The following MYBPHL variants were observed in gnomAD, a reference collection of about 807,000 sequenced individuals.
MYBPHL encodes the protein myosin binding protein H like.
Under a neutral mutation model 39.5 loss-of-function variants are expected in MYBPHL, and 32 were observed. The ratio of observed to expected loss-of-function variants is 0.81; its 90% CI spans 0.61 to 1.09. The LOEUF (loss-of-function observed/expected upper bound fraction) is 1.09. MYBPHL is among the 50% of genes least tolerant of loss of function. The pLI, the probability that MYBPHL is intolerant of heterozygous loss-of-function variation, is 0.00. For synonymous variants in MYBPHL, 196 were observed against 183.7 expected (o/e 1.07, Z -0.54); for missense variants, 456 against 460.2 (o/e 0.99, Z 0.08).
intron 1 of MYBPHL, 139 bp from the exon 2 acceptor site, chr1:109,298,396 C>T: frequency 1.5e-6 from 1 of 677,042 alleles, no homozygotes; most frequent in South Asian, 1.7e-5. Context: ...GAAGAGTGCT[C>T]CCATCATCCT....
chr1:109,296,227 C>T lies in MYBPHL; in HGVS notation c.867+7G>A. ...TCAGCACAGTGCCCCCCAGAGCCCC[C>T]ACTCACCCGGGGAGAGGCGCGGACA... is the stretch of plus-strand genomic sequence containing the variant. On this transcript the variant is annotated splice_region_variant and intron_variant, in intron 6 of 8. Transcript: ENST00000357155. The T allele has an allele frequency of 6.2e-7, 1 of 1,612,878 alleles. No individual in the cohort carries two copies. The highest frequency in any genetic ancestry group is 8.5e-7 in the Non-Finnish European group (1 of 1,179,854).
chr1:109,298,276 G>A lies in MYBPHL; in HGVS notation c.146-19C>T. 1 of 1,598,620 alleles carries A rather than the reference G, an allele frequency of 6.3e-7. No individual in the cohort carries two copies. The highest frequency in any genetic ancestry group is 1.1e-5 in the South Asian group (1 of 89,320). ...GGGTGCTCTGAGTGATGGAAAGAGA[G>A]AGAATAGGAGATGGATACTCAGAGA... On this transcript the variant is annotated intron_variant, in intron 1 of 8. Transcript: ENST00000357155.
At chr1:109,303,783 C>T (rs1277526648) in intron 1 of MYBPHL, among the ~76,000 whole-genome samples, 3 of 152,126 alleles carry the variant, frequency 2.0e-5, no homozygotes, top group Non-Finnish European at 4.4e-5. Context: ...GGCTGGCTGT[C>T]TCGTAGACAA....
chr1:109,296,990 T>C (rs1458451612), intron 4 of MYBPHL, 48 bp from the exon 5 acceptor site: 4 of 1,613,932 alleles, frequency 2.5e-6, no homozygotes, highest in Non-Finnish European at 2.5e-6. Context: ...CATGTGGAGC[T>C]ACCAGAGGCC....
rs1289684777 is a variant in MYBPHL at position 109,297,407 on chromosome 1, C to G, written c.430+15G>C. 1.2e-6 allele frequency: 2 copies of G among 1,605,564 alleles called. No individual in the cohort carries two copies. The highest frequency in any genetic ancestry group is 2.2e-5 in the South Asian group (2 of 90,252). ...TTCCTGAGGACCCCCCCATCTCCCA[C>G]TTCCCCCACCGTACCAATCACCAGG... On this transcript the variant is annotated intron_variant, in intron 3 of 8. Coordinates refer to ENST00000357155, the MANE Select transcript of MYBPHL (RefSeq NM_001010985.3).
rs3861915 is a variant in MYBPHL, at chr1:109,296,133, G to C, written c.867+101C>G. On this transcript the variant is annotated intron_variant, in intron 6 of 8. Coordinates refer to ENST00000357155, the MANE Select transcript of MYBPHL (RefSeq NM_001010985.3). ...GTAGAAGAGGCAGATGGCGGTGATG[G>C]TAACAGATGTTATGTTACAGTGCTC... is the stretch of plus-strand genomic sequence containing the variant. The C allele has an allele frequency of 3.2e-5, 46 of 1,452,210 alleles. 2 individuals carry two copies. In the South Asian group the frequency reaches 4.4e-4, roughly 14 times the overall value. 90.0% of individuals were successfully genotyped at this position (1,452,210 alleles called of 1,614,324 possible).
chr1:109,295,117 C>T lies in MYBPHL; in HGVS notation c.1048G>A (p.Val350Met), dbSNP rs1658009197. The change falls in exon 7 of 9, where the codon GTG becomes ATG. Residue 350 changes from valine to methionine, a missense_variant. Transcript: ENST00000357155. ...GEASVDCRVDVKVPN is the reference protein window; with the variant it reads ...GEASVDCRVDMKVPN ...GTTCTCCTCTTGCCCTTACCTTTCA[C>T]ATCCACCCGACAGTCCACAGATGCC... 2 of 1,613,102 alleles carry T rather than the reference C, an allele frequency of 1.2e-6. No individual in the cohort carries two copies. Among genetic ancestry groups the T allele is most frequent in the African/African-American group, 1.3e-5 (1 of 75,028 alleles).
chr1:109,303,925 C>G (rs1434692118), intron 1 of MYBPHL, among the ~76,000 whole-genome samples: 1 of 151,640 alleles, frequency 6.6e-6, no homozygotes, highest in Non-Finnish European at 1.5e-5. Context: ...CAGTTGTTCT[C>G]TCTGTGTGGA....
chr1:109,293,959 G>A (rs1205180508), intron 8 of MYBPHL, among the ~76,000 whole-genome samples: 3 of 151,822 alleles, frequency 2.0e-5, no homozygotes, highest in Non-Finnish European at 4.4e-5. Flanking sequence ...AGCTACTCGA[G>A]AGGTTGAGGC....
At chr1:109,296,977 C>G in intron 4 of MYBPHL, 35 bp from the exon 5 acceptor site, 1 of 1,613,946 alleles carries the variant, frequency 6.2e-7, no homozygotes. Flanking sequence ...AAATCAGCCA[C>G]CCCATGTGGA....
chr1:109,297,505 T>C lies in MYBPHL; in HGVS notation c.347A>G (p.Gln116Arg), dbSNP rs771911866. 2 of 1,613,800 alleles carry C rather than the reference T, an allele frequency of 1.2e-6. No individual in the cohort carries two copies. The highest frequency in any genetic ancestry group is 2.2e-5 in the East Asian group (1 of 44,876). Reference sequence around the variant, plus strand: ...TTGGTAGCGACCTGAGTCAGCACGTTGGGCTTCTCGGATGAAGAGGATGGA... The same window carrying C: ...TTGGTAGCGACCTGAGTCAGCACGTCGGGCTTCTCGGATGAAGAGGATGGA... The part of the protein sequence containing the change: ...QDSILFIREA[Q>R]RADSGRYQLR... The change falls in exon 3 of 9, where the codon CAA becomes CGA. Residue 116 changes from glutamine (Q) to arginine (R), a missense_variant. Gln to Arg is a conservative substitution (Grantham distance 43). Transcript: ENST00000357155.
intron 1 of MYBPHL, among the ~76,000 whole-genome samples, chr1:109,298,487 C>T (rs1199700444): frequency 1.3e-5 from 2 of 152,130 alleles, no homozygotes; most frequent in Middle Eastern, 3.2e-3. Context: ...CACTGGAGTG[C>T]GAGTCTGACA....
rs367696296 is a variant in MYBPHL at position 109,295,138 on chromosome 1, A to G, written c.1027T>C (p.Ser343Pro). 3 of 1,613,462 alleles carry G rather than the reference A, an allele frequency of 1.9e-6. No homozygotes were observed. The African/African-American group carries it at 4.0e-5, about 22-fold the overall frequency. The part of the protein sequence containing the change: ...CKAVNPLGEA[S>P]VDCRVDVKVP... ...TTCACATCCACCCGACAGTCCACAG[A>G]TGCCTCCCCTAGGGGGTTCACCGCC... Residue 343 changes from serine (S) to proline (P), a missense_variant, in exon 7 of 9, where the codon TCT becomes CCT. Coordinates refer to ENST00000357155, the MANE Select transcript of MYBPHL (RefSeq NM_001010985.3).
At chr1:109,298,386 G>T in intron 1 of MYBPHL, 129 bp from the exon 2 acceptor site, 1 of 737,940 alleles carries the variant, frequency 1.4e-6, no homozygotes, top group East Asian at 3.0e-5. Flanking sequence ...GAGGGGAGGG[G>T]AAGAGTGCTC....
intron 1 of MYBPHL, among the ~76,000 whole-genome samples, chr1:109,303,520 A>G (rs1168142797): frequency 1.3e-5 from 2 of 152,340 alleles, no homozygotes; most frequent in Non-Finnish European, 2.9e-5. Flanking sequence ...AATAGTGACC[A>G]CCACCTCCAA....
chr1:109,297,907 T>C (rs567383592), intron 2 of MYBPHL, among the ~76,000 whole-genome samples: 1 of 152,298 alleles, frequency 6.6e-6, no homozygotes, highest in Admixed American at 6.5e-5. Flanking sequence ...CAAGAACCCT[T>C]CTAACTGCAA....
intron 1 of MYBPHL, among the ~76,000 whole-genome samples, chr1:109,303,040 G>T (rs747796895): frequency 6.6e-6 from 1 of 152,152 alleles, no homozygotes; most frequent in South Asian, 2.1e-4. Flanking sequence ...GATGAAAGAG[G>T]CCTGGGTCCT....
chr1:109,305,816 C>T (rs554312816), intron 1 of MYBPHL, among the ~76,000 whole-genome samples: 2 of 152,366 alleles, frequency 1.3e-5, no homozygotes, highest in East Asian at 3.9e-4. Flanking sequence ...AGGTAGAACG[C>T]AGCCTTCACC....
At chr1:109,300,676 G>T (rs1215967486) in intron 1 of MYBPHL, among the ~76,000 whole-genome samples, 1 of 152,232 alleles carries the variant, frequency 6.6e-6, no homozygotes, top group East Asian at 1.9e-4. Context: ...GCTAAGGTGT[G>T]GGAGTTAGAG....
Sources: gnomAD v4.1 joint callset for allele counts (sites outside exome capture counted in the v4.1 genomes callset) on GRCh38, gnomAD v4.1.1 for gene constraint, MANE v1.5 for transcripts, NCBI Gene and HGNC (gene_info 2026-07-23, HGNC 2026-07-21) for gene names.